Variants in TRPM8 observed in about 807,000 individuals in gnomAD.
The protein encoded by TRPM8 is transient receptor potential cation channel subfamily M member 8, also known as TRPM8 cationic channel.
Under a neutral mutation model 133.7 loss-of-function variants are expected in TRPM8, and 110 were observed. That is an observed-to-expected ratio of 0.82 (90% CI 0.70 to 0.96). The LOEUF (loss-of-function observed/expected upper bound fraction) is 0.96, where lower values mean the gene tolerates loss of function less well. Among genes scored for constraint, TRPM8 ranks in the 40% least tolerant of loss-of-function variants. TRPM8 has a pLI of 0.00. For missense variants in TRPM8, 1,291 were observed against 1,379.5 expected (o/e 0.94, Z 1.02); for synonymous variants, 535 against 532.3 (o/e 1.01, Z -0.07).
At chr2:233,980,025 A>G in intron 17 of TRPM8, 163 bp from the exon 18 acceptor site, 2 of 624,400 alleles carry the variant, frequency 3.2e-6, no homozygotes, top group Non-Finnish European at 5.6e-6. Flanking sequence ...CTCCTGGATT[A>G]GCGTGGGGCA....
Position 233,939,094 on chromosome 2 carries a change from AC to A in TRPM8, c.447del (p.Gly151AlafsTer7), listed in dbSNP as rs1690835644. On this transcript the variant is annotated frameshift_variant, in exon 5 of 26. Coordinates refer to ENST00000324695, the MANE Select transcript of TRPM8 (RefSeq NM_024080.5). LOFTEE classifies it high-confidence loss of function. Reference sequence around the variant, plus strand: ...AACACCCAACCTGGTCATTTCTGTGACCGGGGGCGCCAAGAACTTCGCCCTG... The same window carrying A: ...AACACCCAACCTGGTCATTTCTGTGACGGGGGCGCCAAGAACTTCGCCCTG... ...LKTPNLVISV[T>X]GGAKNFALKP... is the part of the protein sequence containing the mutation. The A allele has an allele frequency of 2.5e-6, 4 of 1,614,176 alleles. No homozygotes were observed. Among genetic ancestry groups the A allele is most frequent in the East Asian group, 2.2e-5 (1 of 44,878 alleles).
At chr2:233,979,990 C>T in intron 17 of TRPM8, 198 bp from the exon 18 acceptor site, 1 of 588,224 alleles carries the variant, frequency 1.7e-6, no homozygotes. Context: ...AGCAGAACAG[C>T]CAGTGTGCTA....
intron 7 of TRPM8, among the ~76,000 whole-genome samples, 197 bp from the exon 8 acceptor site, chr2:233,946,891 A>G (rs979874256): frequency 6.6e-6 from 1 of 152,232 alleles, no homozygotes; most frequent in Non-Finnish European, 1.5e-5. Context: ...AACATGACCC[A>G]TGTCATGCTA....
At chr2:233,971,843 G>A (rs887319731) in intron 17 of TRPM8, among the ~76,000 whole-genome samples, 4 of 151,008 alleles carry the variant, frequency 2.6e-5, no homozygotes, top group African/African-American at 7.4e-5. Flanking sequence ...TGTGGAAGGG[G>A]ACCCCAGCAG....
At chr2:234,007,068 AC>A in intron 23 of TRPM8, 116 bp downstream of exon 23, 1 of 672,992 alleles carries the variant, frequency 1.5e-6, no homozygotes, top group Non-Finnish European at 2.6e-6. Flanking sequence ...AGAGAATAAT[AC>A]CACCACAAAG....
chr2:233,934,567 C>T (rs1691751167), intron 3 of TRPM8, among the ~76,000 whole-genome samples: 1 of 152,184 alleles, frequency 6.6e-6, no homozygotes, highest in Non-Finnish European at 1.5e-5. Context: ...CAGGGACCTG[C>T]CTCCATGTAT....
chr2:233,929,347 C>T (rs1691637532), intron 2 of TRPM8, among the ~76,000 whole-genome samples: 1 of 152,216 alleles, frequency 6.6e-6, no homozygotes. Flanking sequence ...TCACCCTTCT[C>T]TGATACCACA....
intron 22 of TRPM8, among the ~76,000 whole-genome samples, chr2:233,998,910 C>T (rs1267045846): frequency 6.6e-6 from 1 of 152,174 alleles, no homozygotes. Context: ...GCTGATCACC[C>T]TTCTAGTCTT....
chr2:233,936,730 T>C (rs1050627578), intron 3 of TRPM8, among the ~76,000 whole-genome samples: 3 of 152,162 alleles, frequency 2.0e-5, no homozygotes, highest in Admixed American at 2.0e-4. Context: ...GAATAAAGTT[T>C]CCAGATTTCT....
chr2:233,931,907 T>A (rs1278687402), intron 3 of TRPM8, among the ~76,000 whole-genome samples: 1 of 152,210 alleles, frequency 6.6e-6, no homozygotes, highest in African/African-American at 2.4e-5. Context: ...TGTTGCTACC[T>A]TTAAGGCAAG....
At chr2:233,918,296 A>C (rs1314132519) in intron 1 of TRPM8, among the ~76,000 whole-genome samples, 1 of 149,570 alleles carries the variant, frequency 6.7e-6, no homozygotes, top group Non-Finnish European at 1.5e-5. Flanking sequence ...ATTATTTATT[A>C]ATAAGATATT....
chr2:233,948,776 C>T lies in TRPM8; in HGVS notation c.943-1173C>T, dbSNP rs150894182. 7.2e-3 allele frequency among the ~76,000 whole-genome samples: 1,091 copies of T among 152,248 alleles called. 9 individuals carry two copies. Among genetic ancestry groups the T allele is most frequent in the African/African-American group, 0.023 (953 of 41,550 alleles). ...GGCCGGGCACAGTGGCTCACGCCTG[C>T]AATCCCTGCACTTTGGGAGGCCAAG... On this transcript the variant is annotated intron_variant, in intron 8 of 25. Coordinates refer to ENST00000324695, the MANE Select transcript of TRPM8 (RefSeq NM_024080.5).
chr2:233,955,169 T>C lies in TRPM8; in HGVS notation c.1281T>C (p.Asn427=). 2 of 1,614,188 alleles carry C rather than the reference T, an allele frequency of 1.2e-6. No homozygotes were observed. Among genetic ancestry groups the C allele is most frequent in the Non-Finnish European group, 1.7e-6 (2 of 1,180,014 alleles). Residue 427 remains asparagine, a synonymous_variant, in exon 11 of 26, where the codon AAT becomes AAC. Transcript: ENST00000324695. ...GTGAGCAAGACAAGGATAACTGGAA[T>C]GGGCAGCTGAAGCTTCTGCTGGAGT... ...STSEQDKDNW[N]GQLKLLLEWN...
chr2:233,978,412 T>C (rs1235866032), intron 17 of TRPM8, among the ~76,000 whole-genome samples: 3 of 152,162 alleles, frequency 2.0e-5, no homozygotes, highest in Admixed American at 6.5e-5. Flanking sequence ...TGAGATGTCA[T>C]TTTTTTCACT....
At chr2:233,952,280 T>C (rs886884583) in intron 9 of TRPM8, among the ~76,000 whole-genome samples, 1 of 152,106 alleles carries the variant, frequency 6.6e-6, no homozygotes, top group African/African-American at 2.4e-5. Context: ...TTAGGTTGAG[T>C]GATGACAGTA....
intron 17 of TRPM8, among the ~76,000 whole-genome samples, chr2:233,974,848 T>C (rs1272181887): frequency 1.3e-5 from 2 of 151,070 alleles, no homozygotes; most frequent in Admixed American, 1.3e-4. Flanking sequence ...GGTGGGGAAA[T>C]GAGTCATGAG....
At chr2:234,013,859 T>C (rs1559553972) in intron 24 of TRPM8, 1 of 152,190 alleles carries the variant, frequency 6.6e-6, no homozygotes, top group African/African-American at 2.4e-5. Context: ...TTTTTTCTTT[T>C]ATTTTTAAAC....
chr2:234,001,778 G>T (rs1692570347), intron 22 of TRPM8, among the ~76,000 whole-genome samples: 1 of 152,246 alleles, frequency 6.6e-6, no homozygotes, highest in African/African-American at 2.4e-5. Flanking sequence ...CATGGGCTGG[G>T]CCTGGAGGCC....
intron 5 of TRPM8, among the ~76,000 whole-genome samples, chr2:233,939,835 C>A (rs17862926): frequency 2.6e-5 from 4 of 152,306 alleles, no homozygotes; most frequent in Non-Finnish European, 5.9e-5. Context: ...TTGCAGGAAT[C>A]ATGATCCTTA....
Sources: gnomAD v4.1 joint callset for allele counts (sites outside exome capture counted in the v4.1 genomes callset) on GRCh38, gnomAD v4.1.1 for gene constraint, MANE v1.5 for transcripts, NCBI Gene and HGNC (gene_info 2026-07-23, HGNC 2026-07-21) for gene names.